SLC5A10: variants seen among roughly 807,000 people sequenced by gnomAD.
SLC5A10 encodes the protein solute carrier family 5 member 10.
A neutral mutation model predicts 68.9 loss-of-function variants in SLC5A10; 55 were observed. The observed-to-expected ratio is 0.80, with a 90% CI of 0.64 to 1.00. SLC5A10 has a LOEUF of 1.00. Among genes scored for constraint, SLC5A10 ranks in the 50% least tolerant of loss-of-function variants. SLC5A10 has a pLI of 0.00. For synonymous variants in SLC5A10, 344 were observed against 344.8 expected (o/e 1.00, Z 0.02); for missense variants, 732 against 819.3 (o/e 0.89, Z 1.30).
chr17:18,985,542 G>T (rs1365633439), intron 9 of SLC5A10, among the ~76,000 whole-genome samples: 1 of 152,144 alleles, frequency 6.6e-6, no homozygotes, highest in Non-Finnish European at 1.5e-5. Flanking sequence ...AGTGCTCCCG[G>T]GACAGGTCTG....
In SLC5A10 at chr17:18,977,912, T is replaced by A. The variant is rs200348726; in HGVS notation, c.982+923T>A. On this transcript the variant is annotated intron_variant, in intron 9 of 14. Transcript: ENST00000395645. ...CTGGTCACTGAGGGTTACGTAGTCG[T>A]CATCATCTTCTTCTTCCACCCCATC... The A allele has an allele frequency of 1.7e-4, 267 of 1,610,176 alleles. No individual in the cohort carries two copies. In the African/African-American group the frequency reaches 3.1e-3, roughly 19 times the overall value.
Position 18,971,005 on chromosome 17 carries a change from C to T in SLC5A10, c.641-8C>T. The stretch of plus-strand genomic sequence containing the variant: ...CAAACTGTCCCTGTTCCACCCTGAC[C>T]CCTCCAGCTTTTGACCAGATCGGTG... On this transcript the variant is annotated splice_region_variant and splice_polypyrimidine_tract_variant and intron_variant, in intron 7 of 14. Transcript: ENST00000395645. The surrounding 1 kb of genome is among the most constrained non-coding windows in gnomAD (Gnocchi z 5.5). 9 of 1,613,766 alleles carry T rather than the reference C, an allele frequency of 5.6e-6. No individual in the cohort carries two copies. The highest frequency in any genetic ancestry group is 7.6e-6 in the Non-Finnish European group (9 of 1,179,968).
chr17:18,990,895 T>C (rs2043405043), intron 9 of SLC5A10, among the ~76,000 whole-genome samples: 2 of 152,166 alleles, frequency 1.3e-5, no homozygotes, highest in Admixed American at 6.5e-5. Flanking sequence ...TCCCATTTTA[T>C]AGACAGGAAA....
chr17:19,019,569 T>A lies in SLC5A10; in HGVS notation c.1388T>A (p.Phe463Tyr). The A allele has an allele frequency of 6.2e-7, 1 of 1,611,908 alleles. No homozygotes were observed. The highest frequency in any genetic ancestry group is 8.5e-7 in the Non-Finnish European group (1 of 1,179,952). Residue 463 changes from phenylalanine to tyrosine, a missense_variant, in exon 12 of 15, where the codon TTC (phenylalanine) becomes TAC (tyrosine). Phe to Tyr is a conservative substitution (Grantham distance 22). Coordinates refer to ENST00000395645, the MANE Select transcript of SLC5A10 (RefSeq NM_001042450.4). ...ACTGCAGTCTTTGTCCTGGGCGTCT[T>A]CTGGCGACGTGCCAACGAGCAGGTG... ...PVTAVFVLGV[F>Y]WRRANEQGAF...
Position 19,013,372 on chromosome 17 carries a change from CTA to C in SLC5A10, c.983-36_983-35del, listed in dbSNP as rs530740415. 518 of 1,603,050 alleles carry C rather than the reference CTA, an allele frequency of 3.2e-4. 4 individuals carry two copies. In the South Asian group the frequency reaches 5.4e-3, roughly 17 times the overall value. ...TCTTGCCCACCCCAGGTGCTCATGT[CTA>C]TGAGGAGAGACACCAAGTGTCCGTC... On this transcript the variant is annotated intron_variant, in intron 9 of 14. Coordinates refer to ENST00000395645, the MANE Select transcript of SLC5A10 (RefSeq NM_001042450.4).
intron 6 of SLC5A10, 66 bp from the exon 7 acceptor site, chr17:18,969,276 G>A: frequency 1.3e-6 from 2 of 1,588,438 alleles, no homozygotes; most frequent in Non-Finnish European, 8.6e-7. Context: ...AGCCCCAGAA[G>A]TTCCTCCCCG....
chr17:19,012,667 G>A (rs781377199), intron 9 of SLC5A10, among the ~76,000 whole-genome samples: 1 of 152,022 alleles, frequency 6.6e-6, no homozygotes, highest in Non-Finnish European at 1.5e-5. Flanking sequence ...GGAGGGACTT[G>A]TGGGGAGGGG....
chr17:18,988,353 G>A, intron 9 of SLC5A10: 2 of 1,614,242 alleles, frequency 1.2e-6, no homozygotes, highest in Non-Finnish European at 1.7e-6. Flanking sequence ...CTTGAAGCCG[G>A]CGTCCAGCAG....
intron 7 of SLC5A10, chr17:18,970,279 G>A (rs1210940520): frequency 2.6e-5 from 4 of 152,328 alleles, no homozygotes; most frequent in Non-Finnish European, 5.9e-5. Flanking sequence ...CAGACCAGGG[G>A]CTCTAGTGTC....
At chr17:18,997,540 C>T (rs1179936017) in intron 9 of SLC5A10, among the ~76,000 whole-genome samples, 2 of 152,202 alleles carry the variant, frequency 1.3e-5, no homozygotes, top group African/African-American at 4.8e-5. Flanking sequence ...CCTTTAAAAC[C>T]TCAGCTTCTC....
intron 9 of SLC5A10, among the ~76,000 whole-genome samples, chr17:18,993,616 A>G (rs953566768): frequency 5.3e-5 from 8 of 152,172 alleles, no homozygotes; most frequent in African/African-American, 1.7e-4. Context: ...TGGAGCCCTG[A>G]AGCAGCCACA....
chr17:19,006,411 T>TTTTTTA (rs1344006601), intron 9 of SLC5A10, among the ~76,000 whole-genome samples: 2 of 145,438 alleles, frequency 1.4e-5, no homozygotes, highest in East Asian at 3.9e-4. Context: ...TTCTTTTTTT[T>TTTTTTA]TTTTTTTTGT....
At chr17:19,015,249 G>A (rs1201941887) in intron 11 of SLC5A10, 50 bp downstream of exon 11, 1 of 1,284,548 alleles carries the variant, frequency 7.8e-7, no homozygotes, top group Non-Finnish European at 1.1e-6. Context: ...ACAAGGGTGG[G>A]CGCCCGCACT....
At chr17:18,999,486 T>A (rs1040531078) in intron 9 of SLC5A10, among the ~76,000 whole-genome samples, 4 of 152,108 alleles carry the variant, frequency 2.6e-5, no homozygotes, top group Non-Finnish European at 2.9e-5. Flanking sequence ...GGCCAGTTAT[T>A]TGCCATCTCC....
At position 19,003,189 on chromosome 17, in the gene SLC5A10, A is replaced by T. The variant is rs928216064; in HGVS notation, c.983-10221A>T. On this transcript the variant is annotated intron_variant, in intron 9 of 14. Transcript: ENST00000395645. The surrounding 1 kb of genome is among the most constrained non-coding windows in gnomAD (Gnocchi z 4.5). ...CAGAGCCACTCTAAGGGAGAGTGAG[A>T]GGAAGCCCTGGGGTTCCTCCCCTCC... is the stretch of plus-strand genomic sequence containing the variant. 1.3e-5 allele frequency among the ~76,000 whole-genome samples: 2 copies of T among 150,240 alleles called. No homozygotes were observed. The highest frequency in any genetic ancestry group is 4.9e-5 in the African/African-American group (2 of 40,738).
chr17:18,992,098 C>T (rs112101193), intron 9 of SLC5A10, among the ~76,000 whole-genome samples: 457 of 152,282 alleles, frequency 3.0e-3, no homozygotes, highest in Non-Finnish European at 4.3e-3. Flanking sequence ...GGTGCCCAAA[C>T]ACCTCCGGCA....
chr17:19,014,721 G>A (rs1375733854), intron 10 of SLC5A10, among the ~76,000 whole-genome samples: 1 of 152,208 alleles, frequency 6.6e-6, no homozygotes, highest in Non-Finnish European at 1.5e-5. Flanking sequence ...GTGTGAAAGT[G>A]CTTTGTCAAC....
rs2044250482 is a variant in SLC5A10 at position 19,020,709 on chromosome 17, T to C, written c.*278T>C. 2 of 475,524 alleles carry C rather than the reference T, an allele frequency of 4.2e-6. No homozygotes were observed. The highest frequency in any genetic ancestry group is 3.9e-6 in the Non-Finnish European group (1 of 259,376). 29.5% of individuals were successfully genotyped at this position (475,524 alleles called of 1,614,324 possible). A position where few individuals can be genotyped will look rare whatever the true frequency, so the allele number is the denominator to read the frequency against. ...CATCCTGATGTTGGTTTTACTGTTT[T>C]CGTTTTGAATACACAGGCTGGGTCA... is the stretch of plus-strand genomic sequence containing the variant. On this transcript the variant is annotated 3_prime_UTR_variant, in exon 15 of 15. Coordinates refer to ENST00000395645, the MANE Select transcript of SLC5A10 (RefSeq NM_001042450.4).
At position 19,000,379 on chromosome 17, in the gene SLC5A10, A is replaced by T. The variant is rs1424784739; in HGVS notation, c.983-13031A>T. ...CTGTTCCCATTTTACAGATGGGATG[A>T]CCGGGGCTTGGAGAGGAGCTGGGGC... On this transcript the variant is annotated intron_variant, in intron 9 of 14. Coordinates refer to ENST00000395645, the MANE Select transcript of SLC5A10 (RefSeq NM_001042450.4). The surrounding 1 kb of genome is among the most constrained non-coding windows in gnomAD (Gnocchi z 5.2). Among the ~76,000 whole-genome samples, 4 of 152,160 alleles carry T rather than the reference A, an allele frequency of 2.6e-5. No individual in the cohort carries two copies. Among genetic ancestry groups the T allele is most frequent in the Admixed American group, 2.6e-4 (4 of 15,276 alleles).
Sources: allele counts gnomAD v4.1 joint callset (sites outside exome capture counted in the v4.1 genomes callset), GRCh38; gene constraint gnomAD v4.1.1; non-coding constraint Gnocchi (gnomAD v3.1); transcripts MANE v1.5; gene names NCBI Gene and HGNC (gene_info 2026-07-23, HGNC 2026-07-21).